The following ADGRV1 variants were observed in gnomAD, a reference collection of about 807,000 sequenced individuals.
The protein encoded by ADGRV1 is adhesion G protein-coupled receptor V1, also known as G-protein coupled receptor 98.
In ADGRV1, 359 loss-of-function variants were observed where a neutral mutation model predicts 596.2. The ratio of observed to expected loss-of-function variants is 0.60; its 90% CI spans 0.55 to 0.66. The LOEUF is 0.66. Ranked by LOEUF, ADGRV1 falls within the 30% of genes least tolerant of loss-of-function variation. The pLI is 0.00. For missense variants in ADGRV1, 7,274 were observed against 7,575.6 expected (o/e 0.96, Z 1.48); for synonymous variants, 2,681 against 2,679.2 (o/e 1.00, Z -0.02).
intron 85 of ADGRV1, among the ~76,000 whole-genome samples, chr5:91,056,035 C>T (rs895419596): frequency 2.6e-5 from 4 of 152,096 alleles, no homozygotes; most frequent in Non-Finnish European, 4.4e-5. Context: ...AAAAAGTTGT[C>T]GAGATGCTTG....
At chr5:90,601,413 T>C (rs1287450372) in intron 1 of ADGRV1, among the ~76,000 whole-genome samples, 2 of 152,122 alleles carry the variant, frequency 1.3e-5, no homozygotes, top group African/African-American at 2.4e-5. Flanking sequence ...AAACTATACA[T>C]GAAGCAAAAC....
intron 1 of ADGRV1, among the ~76,000 whole-genome samples, chr5:90,565,037 C>G (rs1257250563): frequency 6.6e-6 from 1 of 152,034 alleles, no homozygotes; most frequent in Non-Finnish European, 1.5e-5. Flanking sequence ...GAGTTTGAGA[C>G]CAGCCTGACC....
intron 85 of ADGRV1, among the ~76,000 whole-genome samples, chr5:91,026,753 G>T (rs1258693788): frequency 6.6e-6 from 1 of 152,212 alleles, no homozygotes; most frequent in Admixed American, 6.5e-5. Flanking sequence ...TAAGAAATAA[G>T]TAAGAATTAA....
chr5:90,617,554 C>T (rs944588047), intron 2 of ADGRV1: 17 of 284,614 alleles, frequency 6.0e-5, no homozygotes, highest in East Asian at 5.1e-4. Flanking sequence ...GTGATCCGCC[C>T]GTGTCGGCCT....
rs1768907545 is a variant in ADGRV1, at chr5:90,653,302, T to A, written c.3728T>A (p.Ile1243Asn). 2 of 1,613,826 alleles carry A rather than the reference T, an allele frequency of 1.2e-6. No homozygotes were observed. Among genetic ancestry groups the A allele is most frequent in the Non-Finnish European group, 1.7e-6 (2 of 1,179,868 alleles). ...PFNDDPFGVFILDPECLEREV... is the reference protein window; with the variant it reads ...PFNDDPFGVFNLDPECLEREV... ...AATGATGATCCCTTTGGAGTTTTTA[T>A]CTTGGATCCAGAGTGTTTAGAGAGA... The change falls in exon 20 of 90, where the codon ATC becomes AAC. Residue 1243 changes from isoleucine to asparagine, a missense_variant. By Grantham distance (149) the Ile-to-Asn change is moderately radical. Coordinates refer to ENST00000405460, the MANE Select transcript of ADGRV1 (RefSeq NM_032119.4).
At position 91,104,554 on chromosome 5, in the gene ADGRV1, A is replaced by G. The variant is rs1160027518; in HGVS notation, c.18432+2214A>G. Among the ~76,000 whole-genome samples the G allele has an allele frequency of 6.6e-5, 10 of 152,152 alleles. 1 individual carries two copies. Among genetic ancestry groups the G allele is most frequent in the Non-Finnish European group, 1.5e-4 (10 of 68,030 alleles). ...TTCTTCTATCTAGCTGTAATTTTAT[A>G]TCTTTTAACAAATCTCTCCCTATCC... is the stretch of plus-strand genomic sequence containing the variant. On this transcript the variant is annotated intron_variant, in intron 87 of 89. Coordinates refer to ENST00000405460, the MANE Select transcript of ADGRV1 (RefSeq NM_032119.4).
intron 86 of ADGRV1, among the ~76,000 whole-genome samples, chr5:91,092,991 G>A (rs1339927111): frequency 6.6e-6 from 1 of 152,190 alleles, no homozygotes; most frequent in Non-Finnish European, 1.5e-5. Flanking sequence ...CACAGGTAGA[G>A]GCTGCCTCTG....
At position 90,725,478 on chromosome 5, in the gene ADGRV1, C is replaced by G. The variant is rs533154758; in HGVS notation, c.10054-71C>G. ...CTTGCACTTCAGATTTTAACTCATG[C>G]TATTAGTGTGTTCAGTGGCTTTCTT... On this transcript the variant is annotated intron_variant, in intron 47 of 89. Coordinates refer to ENST00000405460, the MANE Select transcript of ADGRV1 (RefSeq NM_032119.4). The G allele has an allele frequency of 1.8e-4, 151 of 861,480 alleles. No individual in the cohort carries two copies. In the African/African-American group the frequency reaches 2.4e-3, roughly 14 times the overall value. 53.4% of individuals were successfully genotyped at this position (861,480 alleles called of 1,614,324 possible).
In ADGRV1 at chr5:90,643,457, A is replaced by G. The variant is rs950937899; in HGVS notation, c.2554-346A>G. Among the ~76,000 whole-genome samples, 15 of 152,200 alleles carry G rather than the reference A, an allele frequency of 9.9e-5. 1 individual carries two copies. Among genetic ancestry groups the G allele is most frequent in the Non-Finnish European group, 7.3e-5 (5 of 68,032 alleles). On this transcript the variant is annotated intron_variant, in intron 13 of 89. Coordinates refer to ENST00000405460, the MANE Select transcript of ADGRV1 (RefSeq NM_032119.4). ...TATTAATGGAACCAGGTATAGTTCTATTATGCTTACTCACCAATACATATG... is the reference window on the plus strand; with the variant it reads ...TATTAATGGAACCAGGTATAGTTCTGTTATGCTTACTCACCAATACATATG...
At position 91,120,400 on chromosome 5, in the gene ADGRV1, G is replaced by A. The variant is rs990534127; in HGVS notation, c.18432+18060G>A. Among the ~76,000 whole-genome samples, 14 of 152,090 alleles carry A rather than the reference G, an allele frequency of 9.2e-5. No homozygotes were observed. The South Asian group carries it at 1.4e-3, about 16-fold the overall frequency. On this transcript the variant is annotated intron_variant, in intron 87 of 89. Coordinates refer to ENST00000405460, the MANE Select transcript of ADGRV1 (RefSeq NM_032119.4). ...CTATGTGGGCCAGTCACAAACTGTC[G>A]GCAGGCAGTATTCAAGCTGCCAGTT...
In ADGRV1 at chr5:90,712,372, T is replaced by A. The variant is rs1230567774; in HGVS notation, c.9128T>A (p.Phe3043Tyr). The change falls in exon 42 of 90, where the codon TTT becomes TAT. Residue 3043 changes from phenylalanine to tyrosine, a missense_variant. By Grantham distance (22) the Phe-to-Tyr change is conservative. Transcript: ENST00000405460. ...DDDIPEGDEK[F>Y]QLILTNPSPG... Reference sequence around the variant, plus strand: ...GACATTCCAGAAGGAGATGAAAAATTTCAGCTGATTTTAACAAATCCTTCT... The same window carrying A: ...GACATTCCAGAAGGAGATGAAAAATATCAGCTGATTTTAACAAATCCTTCT... 6.3e-7 allele frequency: 1 copy of A among 1,583,572 alleles called. No homozygotes were observed. Among genetic ancestry groups the A allele is most frequent in the Non-Finnish European group, 8.6e-7 (1 of 1,161,134 alleles).
At chr5:91,159,932 A>G (rs1163401951) in intron 89 of ADGRV1, among the ~76,000 whole-genome samples, 4 of 152,166 alleles carry the variant, frequency 2.6e-5, no homozygotes, top group Admixed American at 1.3e-4. Flanking sequence ...GTTGATCCCA[A>G]GTTGACAAGA....
chr5:90,918,915 A>G (rs537239429), intron 83 of ADGRV1, among the ~76,000 whole-genome samples: 3 of 152,180 alleles, frequency 2.0e-5, no homozygotes, highest in Non-Finnish European at 4.4e-5. Flanking sequence ...CACAGTGTGC[A>G]TAACCCAGAG....
chr5:90,694,277 A>T lies in ADGRV1; in HGVS notation c.7521A>T (p.Thr2507=), dbSNP rs1746879465. 6.2e-7 allele frequency: 1 copy of T among 1,613,964 alleles called. No individual in the cohort carries two copies. The highest frequency in any genetic ancestry group is 2.2e-5 in the East Asian group (1 of 44,880). The part of the protein sequence containing the change: ...AVAGSDYEPV[T]RQWAIMQEGD... ...CTGGGAGTGACTATGAGCCTGTGACAAGGCAATGGGCCATAATGCAGGAAG... is the reference window on the plus strand; with the variant it reads ...CTGGGAGTGACTATGAGCCTGTGACTAGGCAATGGGCCATAATGCAGGAAG... The change falls in exon 33 of 90, where the codon ACA becomes ACT. Residue 2507 remains threonine, a synonymous_variant. Transcript: ENST00000405460.
intron 83 of ADGRV1, among the ~76,000 whole-genome samples, chr5:90,867,619 T>G (rs1768255752): frequency 6.6e-6 from 1 of 152,200 alleles, no homozygotes; most frequent in Admixed American, 6.5e-5. Context: ...AGAAGTCCTG[T>G]GTGACTTCCC....
At chr5:91,061,112 CT>C (rs1204465920) in intron 85 of ADGRV1, among the ~76,000 whole-genome samples, 1 of 152,164 alleles carries the variant, frequency 6.6e-6, no homozygotes, top group Admixed American at 6.5e-5. Context: ...CTTTTGCCCT[CT>C]TTTTGGAGCA....
intron 29 of ADGRV1, among the ~76,000 whole-genome samples, chr5:90,687,800 T>G (rs1168741734): frequency 1.3e-5 from 2 of 152,076 alleles, no homozygotes. Context: ...CCATTCACAA[T>G]TGCTTCAAAG....
At chr5:90,745,287 A>G in intron 51 of ADGRV1, 22 bp downstream of exon 51, 1 of 1,447,606 alleles carries the variant, frequency 6.9e-7, no homozygotes, top group Non-Finnish European at 9.4e-7. Context: ...ATTTTTTGCT[A>G]AGTATCTTTA....
chr5:90,651,099 T>A (rs1357796443), intron 17 of ADGRV1, among the ~76,000 whole-genome samples: 1 of 152,116 alleles, frequency 6.6e-6, no homozygotes, highest in Non-Finnish European at 1.5e-5. Flanking sequence ...CAGATCAAAC[T>A]TTGCTGCCTG....
Sources: gnomAD v4.1 joint callset for allele counts (sites outside exome capture counted in the v4.1 genomes callset) on GRCh38, gnomAD v4.1.1 for gene constraint, MANE v1.5 for transcripts, NCBI Gene and HGNC (gene_info 2026-07-23, HGNC 2026-07-21) for gene names.